The following ESR1 variants were observed in gnomAD, a reference collection of about 807,000 sequenced individuals.
ESR1 encodes estrogen receptor.
ESR1 carries 12 observed loss-of-function variants against 52.7 expected under a neutral mutation model. That is an observed-to-expected ratio of 0.23 (90% CI 0.15 to 0.37). The LOEUF is 0.37. Among genes scored for constraint, ESR1 ranks in the 10% least tolerant of loss-of-function variants. The pLI is 1.00. For synonymous variants in ESR1, 305 were observed against 316.8 expected (o/e 0.96, Z 0.39); for missense variants, 584 against 779.7 (o/e 0.75, Z 2.99).
At chr6:152,108,139 G>A (rs557551363), downstream of ESR1, among the ~76,000 whole-genome samples, 1 of 152,328 alleles carries the variant, frequency 6.6e-6, no homozygotes, top group East Asian at 1.9e-4. Flanking sequence ...GGCACACTCT[G>A]ATCTCCCCTA....
At chr6:151,857,836 G>C (rs1176521216) in intron 2 of ESR1, among the ~76,000 whole-genome samples, 1 of 152,056 alleles carries the variant, frequency 6.6e-6, no homozygotes, top group East Asian at 1.9e-4. Context: ...GTTGCAATGG[G>C]TATAGACTTT....
rs117808084 is a variant in ESR1, at chr6:152,021,180, A to G, written c.1235+9386A>G. 5.8e-4 allele frequency among the ~76,000 whole-genome samples: 89 copies of G among 152,238 alleles called. 1 individual carries two copies. The East Asian group carries it at 0.013, about 22-fold the overall frequency. ...ACCCTTAATCTGGTGGGCACGATCT[A>G]GTCAGCTGCCAGCGAATATAAGGCA... On this transcript the variant is annotated intron_variant, in intron 5 of 7. Transcript: ENST00000206249.
rs558641263 is a variant in ESR1 at position 151,917,327 on chromosome 6, T to C, written c.761-26846T>C. On this transcript the variant is annotated intron_variant, in intron 3 of 7. Coordinates refer to ENST00000206249, the MANE Select transcript of ESR1 (RefSeq NM_000125.4). ...CTCTTGGCTACAGAATGCCAACCAG[T>C]AGGAGATTCATCACTGAGATATTAC... Among the ~76,000 whole-genome samples the C allele has an allele frequency of 5.9e-5, 9 of 152,240 alleles. No individual in the cohort carries two copies. The South Asian group carries it at 1.9e-3, about 32-fold the overall frequency.
At chr6:151,983,728 A>G (rs1487809904) in intron 4 of ESR1, among the ~76,000 whole-genome samples, 6 of 152,116 alleles carry the variant, frequency 3.9e-5, no homozygotes, top group Non-Finnish European at 7.3e-5. Flanking sequence ...TCAGCTGTCA[A>G]CCAGGGTTCT....
At chr6:152,115,184 AT>A (rs1289955455) in intron 6 of ESR1, among the ~76,000 whole-genome samples, 1 of 152,166 alleles carries the variant, frequency 6.6e-6, no homozygotes, top group African/African-American at 2.4e-5. Context: ...ATATTATTCT[AT>A]ATCTTGTTTT....
intron 2 of ESR1, among the ~76,000 whole-genome samples, chr6:151,844,650 C>T (rs763208331): frequency 7.2e-5 from 11 of 152,128 alleles, no homozygotes; most frequent in Non-Finnish European, 1.3e-4. Context: ...AACAGATCAG[C>T]CCTGGCCCGT....
chr6:151,831,013 A>G lies in ESR1; in HGVS notation c.453-11584A>G, dbSNP rs556312591. ...CAAGTCATTCTCTTATATGACTCTC[A>G]GCTCCATTAACTCTGTTTTCATGGA... On this transcript the variant is annotated intron_variant, in intron 1 of 7. Transcript: ENST00000206249. 1.4e-4 allele frequency among the ~76,000 whole-genome samples: 22 copies of G among 152,346 alleles called. 1 individual carries two copies. The South Asian group carries it at 4.6e-3, about 32-fold the overall frequency.
intron 3 of ESR1, among the ~76,000 whole-genome samples, chr6:151,898,181 C>A (rs144768825): frequency 1.3e-5 from 2 of 152,078 alleles, no homozygotes; most frequent in South Asian, 4.1e-4. Context: ...AGGCAATGAT[C>A]TTTTTGTGAT....
intron 4 of ESR1, among the ~76,000 whole-genome samples, chr6:152,011,101 T>TC (rs1343527945): frequency 6.6e-6 from 1 of 152,126 alleles, no homozygotes; most frequent in Non-Finnish European, 1.5e-5. Context: ...CACCTTTTTT[T>TC]CCATCTGACT....
At chr6:151,697,402 C>T (rs1779431790) in intron 1 of ESR1, among the ~76,000 whole-genome samples, 1 of 152,160 alleles carries the variant, frequency 6.6e-6, no homozygotes, top group Admixed American at 6.5e-5. Context: ...GCCCCATCTT[C>T]CTAACTGTAA....
intron 4 of ESR1, among the ~76,000 whole-genome samples, chr6:151,958,615 CTG>C (rs1463962215): frequency 6.6e-6 from 1 of 152,188 alleles, no homozygotes; most frequent in East Asian, 1.9e-4. Flanking sequence ...AACGATTTGA[CTG>C]TTGAGATTCT....
At chr6:151,705,941 A>G (rs1780153391) in intron 2 of ESR1, among the ~76,000 whole-genome samples, 1 of 152,224 alleles carries the variant, frequency 6.6e-6, no homozygotes, top group South Asian at 2.1e-4. Flanking sequence ...AAGGTCACAC[A>G]GTGGATTATA....
chr6:151,799,555 A>G (rs1777027201), upstream of ESR1, among the ~76,000 whole-genome samples: 1 of 152,232 alleles, frequency 6.6e-6, no homozygotes, highest in Non-Finnish European at 1.5e-5. Flanking sequence ...ACAACTACAC[A>G]TCAGGGATTG....
intron 4 of ESR1, among the ~76,000 whole-genome samples, chr6:151,980,251 C>T (rs1348627389): frequency 1.3e-5 from 2 of 152,072 alleles, no homozygotes; most frequent in Non-Finnish European, 2.9e-5. Context: ...TAAAGTCCTC[C>T]CTGTTTGCAT....
chr6:151,778,606 A>C (rs1426707098), intron 2 of ESR1, among the ~76,000 whole-genome samples: 2 of 151,610 alleles, frequency 1.3e-5, no homozygotes, highest in Non-Finnish European at 2.9e-5. Flanking sequence ...GGGTTTTGCC[A>C]TGTTGGCCAG....
intron 2 of ESR1, among the ~76,000 whole-genome samples, chr6:151,852,656 T>TTA (rs397694071): frequency 6.6e-6 from 1 of 151,082 alleles, no homozygotes; most frequent in Non-Finnish European, 1.5e-5. Context: ...TTTTTTTTTT[T>TTA]GCAGATTATT....
chr6:151,976,441 T>A (rs2039444226), intron 4 of ESR1, among the ~76,000 whole-genome samples: 2 of 152,162 alleles, frequency 1.3e-5, no homozygotes, highest in South Asian at 4.1e-4. Context: ...TCACTATTTT[T>A]TTTTTTTGCA....
intron 4 of ESR1, among the ~76,000 whole-genome samples, chr6:151,962,547 T>C (rs78480722): frequency 0.019 from 2,882 of 152,256 alleles, 85 homozygotes; most frequent in African/African-American, 0.065. Flanking sequence ...TAAATAGCGA[T>C]AGAGTTTTCT....
chr6:151,911,786 C>G (rs570534568), intron 3 of ESR1, among the ~76,000 whole-genome samples: 1 of 152,322 alleles, frequency 6.6e-6, no homozygotes, highest in South Asian at 2.1e-4. Context: ...GCAGGAAGTT[C>G]CCAGTGATCA....
Sources: gnomAD v4.1 joint callset for allele counts (sites outside exome capture counted in the v4.1 genomes callset) on GRCh38, gnomAD v4.1.1 for gene constraint, MANE v1.5 for transcripts, NCBI Gene and HGNC (gene_info 2026-07-23, HGNC 2026-07-21) for gene names.